The following PSD2 variants were observed in gnomAD, a reference collection of about 807,000 sequenced individuals.
PSD2 encodes the protein PH and SEC7 domain-containing protein 2.
A neutral mutation model predicts 69.8 loss-of-function variants in PSD2; 38 were observed. The ratio of observed to expected loss-of-function variants is 0.54; its 90% CI spans 0.42 to 0.71. The LOEUF is 0.71. Among genes scored for constraint, PSD2 ranks in the 30% least tolerant of loss-of-function variants. The pLI is 0.00. For missense variants in PSD2, 943 were observed against 1,014.5 expected (o/e 0.93, Z 0.96); for synonymous variants, 412 against 423.0 (o/e 0.97, Z 0.32).
At chr5:139,832,005 G>A (rs1037671026) in intron 7 of PSD2, among the ~76,000 whole-genome samples, 1 of 152,068 alleles carries the variant, frequency 6.6e-6, no homozygotes, top group Non-Finnish European at 1.5e-5. Flanking sequence ...GTGCTTCGGG[G>A]AGGAATGCTG....
chr5:139,830,608 C>CTCTT (rs1218426215), intron 7 of PSD2, among the ~76,000 whole-genome samples: 12 of 101,976 alleles, frequency 1.2e-4, no homozygotes, highest in South Asian at 3.4e-4. Flanking sequence ...TTCTTTCTTT[C>CTCTT]TCTTTCTTTC....
At chr5:139,768,735 A>C in the PSD2 span, among the ~76,000 whole-genome samples, 7 of 151,946 alleles carry the variant, frequency 4.6e-5, no homozygotes, top group Non-Finnish European at 1.0e-4. Context: ...AAAAAAAAAA[A>C]AAACAACACC....
the PSD2 span, among the ~76,000 whole-genome samples, chr5:139,780,900 C>T: frequency 6.6e-6 from 1 of 152,194 alleles, no homozygotes; most frequent in Non-Finnish European, 1.5e-5. Context: ...CCATTATCCC[C>T]ATTTTAGAGA....
chr5:139,838,729 T>C lies in PSD2; in HGVS notation c.1925T>C (p.Phe642Ser). Reference protein sequence around the residue: ...FPAAVSSMKKFCRPLLPSCTT... With the variant: ...FPAAVSSMKKSCRPLLPSCTT... ...GCCGCTGTCAGCTCCATGAAGAAGT[T>C]CTGTCGGCCCCTGCTGCCCTCCTGC... is the stretch of plus-strand genomic sequence containing the variant. Residue 642 changes from phenylalanine to serine, a missense_variant, in exon 13 of 15, where the codon TTC (phenylalanine) becomes TCC (serine). Transcript: ENST00000274710. 1.2e-6 allele frequency: 2 copies of C among 1,613,844 alleles called. No individual in the cohort carries two copies. Among genetic ancestry groups the C allele is most frequent in the Non-Finnish European group, 1.7e-6 (2 of 1,179,938 alleles).
the PSD2 span, among the ~76,000 whole-genome samples, chr5:139,779,384 C>T: frequency 6.6e-6 from 1 of 152,144 alleles, no homozygotes; most frequent in East Asian, 1.9e-4. Flanking sequence ...TATTTTAGTG[C>T]CATCTTTGTC....
Position 139,842,672 on chromosome 5 carries a change from A to C in PSD2, c.*198A>C, listed in dbSNP as rs1760905360. On this transcript the variant is annotated 3_prime_UTR_variant, in exon 15 of 15. Transcript: ENST00000274710. ...CTTGCGTCCTTGGGCATCTCCGGGCATCAGACCCTCTCCCTGGCCCTTGTT... is the reference window on the plus strand; with the variant it reads ...CTTGCGTCCTTGGGCATCTCCGGGCCTCAGACCCTCTCCCTGGCCCTTGTT... 3.4e-6 allele frequency: 2 copies of C among 584,190 alleles called. No homozygotes were observed. The highest frequency in any genetic ancestry group is 3.7e-5 in the African/African-American group (2 of 53,640). The allele number at this position is 584,190 out of a possible 1,614,324, so 36.2% of individuals were successfully genotyped here.
Position 139,813,707 on chromosome 5 carries a change from G to GA in PSD2, c.770_771insA (p.Asp258GlyfsTer2). 6.2e-7 allele frequency: 1 copy of GA among 1,613,394 alleles called. No homozygotes were observed. Among genetic ancestry groups the GA allele is most frequent in the Non-Finnish European group, 8.5e-7 (1 of 1,179,726 alleles). On this transcript the variant is annotated frameshift_variant, in exon 3 of 15. Coordinates refer to ENST00000274710, the MANE Select transcript of PSD2 (RefSeq NM_032289.4). LOFTEE classifies it high-confidence loss of function. ...GAAGATGGCCCTCAGGGCCCAGGGG[G>GA]GGATGAGGATGATGATGAGGAGGAC...
At chr5:139,786,202 T>C in the PSD2 span, among the ~76,000 whole-genome samples, 1 of 151,722 alleles carries the variant, frequency 6.6e-6, no homozygotes, top group African/African-American at 2.4e-5. Flanking sequence ...CTGAGCAACA[T>C]AGTGAAACCC....
At chr5:139,834,838 C>T (rs377321637) in intron 8 of PSD2, among the ~76,000 whole-genome samples, 2 of 151,988 alleles carry the variant, frequency 1.3e-5, no homozygotes, top group Admixed American at 6.6e-5. Context: ...ACCCATTCAC[C>T]TATCTAACCA....
At chr5:139,841,198 G>A (rs547116301) in intron 14 of PSD2, among the ~76,000 whole-genome samples, 4 of 152,246 alleles carry the variant, frequency 2.6e-5, no homozygotes, top group Admixed American at 1.3e-4. Context: ...ATGTTGTAGC[G>A]TGTGTCAGAA....
chr5:139,772,930 G>A, the PSD2 span: 2 of 152,180 alleles, frequency 1.3e-5, no homozygotes, highest in Admixed American at 6.5e-5. Context: ...CACAGTAGGT[G>A]CACCAGGCAG....
the PSD2 span, among the ~76,000 whole-genome samples, chr5:139,753,542 C>T: frequency 6.6e-6 from 1 of 152,090 alleles, no homozygotes; most frequent in Non-Finnish European, 1.5e-5. Flanking sequence ...GCATCCTGAC[C>T]CCTCACTTTT....
chr5:139,834,363 G>A (rs896672845), intron 8 of PSD2, among the ~76,000 whole-genome samples: 1 of 152,134 alleles, frequency 6.6e-6, no homozygotes, highest in African/African-American at 2.4e-5. Flanking sequence ...ATGGCTCACT[G>A]CAGCCTGGAA....
At chr5:139,768,492 G>A in the PSD2 span, among the ~76,000 whole-genome samples, 1 of 152,176 alleles carries the variant, frequency 6.6e-6, no homozygotes, top group East Asian at 1.9e-4. Context: ...GGAGGCCGAG[G>A]TGGGTGGATC....
Position 139,839,385 on chromosome 5 carries a change from C to T in PSD2, c.1968+613C>T, listed in dbSNP as rs946983525. Among the ~76,000 whole-genome samples, 13 of 152,368 alleles carry T rather than the reference C, an allele frequency of 8.5e-5. No individual in the cohort carries two copies. The highest frequency in any genetic ancestry group is 2.1e-4 in the South Asian group (1 of 4,830). On this transcript the variant is annotated intron_variant, in intron 13 of 14. Transcript: ENST00000274710. This position sits in a 1 kb window ranked among gnomAD's most constrained non-coding sequence, Gnocchi z 5.1. ...CTGCCCAGAACCTTTGTGCAATGCA[C>T]GTACACCATGTATGTGCACAAACCA...
chr5:139,792,352 C>T (rs974508830), upstream of PSD2, among the ~76,000 whole-genome samples: 1 of 152,144 alleles, frequency 6.6e-6, no homozygotes, highest in East Asian at 1.9e-4. Flanking sequence ...TGGGTTGGAC[C>T]CAAATGAGTC....
chr5:139,805,038 ATGTGTGTGCGCATG>A (rs1759770398), intron 1 of PSD2, among the ~76,000 whole-genome samples: 1 of 149,208 alleles, frequency 6.7e-6, no homozygotes, highest in African/African-American at 2.5e-5. Context: ...TGTATTGTGC[ATGTGTGTGCGCATG>A]TGTGTGTGCA....
chr5:139,768,619 A>T, the PSD2 span, among the ~76,000 whole-genome samples: 1 of 151,566 alleles, frequency 6.6e-6, no homozygotes, highest in Non-Finnish European at 1.5e-5. Context: ...GCTATTTGGG[A>T]GGCTGAGGCA....
chr5:139,792,766 C>T (rs181076460), upstream of PSD2, among the ~76,000 whole-genome samples: 2 of 148,748 alleles, frequency 1.3e-5, no homozygotes, highest in East Asian at 2.0e-4. Context: ...TCTCTTTCTC[C>T]CTTCCTTCCT....
Sources: allele counts gnomAD v4.1 joint callset (sites outside exome capture counted in the v4.1 genomes callset), GRCh38; gene constraint gnomAD v4.1.1; non-coding constraint Gnocchi (gnomAD v3.1); transcripts MANE v1.5; gene names NCBI Gene and HGNC (gene_info 2026-07-23, HGNC 2026-07-21).